The following CCSER2 variants were observed in gnomAD, a reference collection of about 807,000 sequenced individuals.
The protein encoded by CCSER2 is coiled-coil serine rich protein 2, also known as serine-rich coiled-coil domain-containing protein 2.
In CCSER2, 46 loss-of-function variants were observed where a neutral mutation model predicts 92.3. That is an observed-to-expected ratio of 0.50 (90% confidence interval 0.39 to 0.64). CCSER2 has a LOEUF of 0.64. CCSER2 is among the 30% of genes least tolerant of loss of function. The pLI is 0.00. For synonymous variants in CCSER2, 433 were observed against 431.4 expected (o/e 1.00, Z -0.04); for missense variants, 1,244 against 1,238.9 (o/e 1.00, Z -0.06).
intron 4 of CCSER2, among the ~76,000 whole-genome samples, chr10:84,419,095 G>T (rs183972581): frequency 2.0e-5 from 3 of 151,744 alleles, no homozygotes; most frequent in African/African-American, 7.3e-5. Flanking sequence ...ATACGAAATG[G>T]TCACAAGATT....
In CCSER2 at chr10:84,391,702, T is replaced by A. The variant is rs147178172; in HGVS notation, c.1614+17887T>A. The A allele has an allele frequency of 2.0e-3, 3,081 of 1,515,704 alleles. 7 individuals are homozygous for A. The highest frequency in any genetic ancestry group is 2.7e-3 in the Non-Finnish European group (2,972 of 1,093,320). 93.9% of individuals were successfully genotyped at this position (1,515,704 alleles called of 1,614,324 possible). A position where few individuals can be genotyped will look rare whatever the true frequency, so the allele number is the denominator to read the frequency against. On this transcript the variant is annotated intron_variant, in intron 3 of 9. Coordinates refer to ENST00000372088, the MANE Select transcript of CCSER2 (RefSeq NM_001284240.2). ...TAGAGAATACAGCAATAACGATTGG[T>A]CGTCTTGGTTACGTGTGTCTTCAAG...
chr10:84,511,816 G>C lies in CCSER2; in HGVS notation c.2326-1633G>C, dbSNP rs371870473. 2.2e-3 allele frequency among the ~76,000 whole-genome samples: 329 copies of C among 152,182 alleles called. 2 individuals are homozygous for C. Among genetic ancestry groups the C allele is most frequent in the African/African-American group, 7.8e-3 (324 of 41,508 alleles). On this transcript the variant is annotated intron_variant, in intron 9 of 9. Transcript: ENST00000372088. ...GGAGAATCTGTTGATTTAATTATGT[G>C]GTGATTTTAGTATCTTCCGTTTTGC...
intron 2 of CCSER2, among the ~76,000 whole-genome samples, chr10:84,372,962 C>T (rs570633567): frequency 6.6e-6 from 1 of 152,112 alleles, no homozygotes; most frequent in Non-Finnish European, 1.5e-5. Flanking sequence ...CCTGAGAGAG[C>T]TTTATTTATT....
At chr10:84,391,201 T>TGTG in intron 3 of CCSER2, 1 of 979,342 alleles carries the variant, frequency 1.0e-6, no homozygotes, top group East Asian at 2.4e-5. Flanking sequence ...TCTTCCATAC[T>TGTG]GTGAACCTGT....
intron 4 of CCSER2, among the ~76,000 whole-genome samples, chr10:84,420,247 G>A (rs1418387829): frequency 6.6e-6 from 1 of 152,118 alleles, no homozygotes; most frequent in East Asian, 1.9e-4. Context: ...TCTTGATTGG[G>A]GACTTGTGAA....
intron 9 of CCSER2, among the ~76,000 whole-genome samples, chr10:84,484,373 A>G (rs1589786525): frequency 6.6e-6 from 1 of 152,004 alleles, no homozygotes; most frequent in Admixed American, 6.6e-5. Context: ...TCGGCCTCCC[A>G]AAGTGCTGGG....
At chr10:84,333,531 G>A (rs1016941654) in intron 1 of CCSER2, among the ~76,000 whole-genome samples, 1 of 152,310 alleles carries the variant, frequency 6.6e-6, no homozygotes, top group East Asian at 1.9e-4. Context: ...TCCATGCCAA[G>A]GATTTGGACT....
chr10:84,477,195 A>T (rs779751483), intron 8 of CCSER2, among the ~76,000 whole-genome samples: 3 of 152,180 alleles, frequency 2.0e-5, no homozygotes, highest in Non-Finnish European at 2.9e-5. Flanking sequence ...CATATATTGT[A>T]TGTTTTATGG....
At chr10:84,370,934 G>A (rs1411900796) in intron 1 of CCSER2, 80 bp from the exon 2 acceptor site, 2 of 637,042 alleles carry the variant, frequency 3.1e-6, no homozygotes, top group Non-Finnish European at 4.9e-6. Flanking sequence ...GTATAAAAGT[G>A]TAAGTATCAT....
At chr10:84,388,730 C>T (rs1190056634) in intron 3 of CCSER2, among the ~76,000 whole-genome samples, 2 of 152,176 alleles carry the variant, frequency 1.3e-5, no homozygotes, top group African/African-American at 4.8e-5. Flanking sequence ...CCTTCCACCT[C>T]AGATCATCAG....
intron 5 of CCSER2, among the ~76,000 whole-genome samples, chr10:84,437,402 T>C (rs1319219660): frequency 6.6e-6 from 1 of 151,948 alleles, no homozygotes; most frequent in Non-Finnish European, 1.5e-5. Flanking sequence ...TAATCCCAGC[T>C]ACTCGGGAGG....
chr10:84,371,842 C>T lies in CCSER2; in HGVS notation c.790C>T (p.Pro264Ser), dbSNP rs747402875. 7 of 1,613,744 alleles carry T rather than the reference C, an allele frequency of 4.3e-6. No individual in the cohort carries two copies. The African/African-American group carries it at 6.7e-5, about 15-fold the overall frequency. Residue 264 changes from proline to serine, a missense_variant, in exon 2 of 10, where the codon CCT becomes TCT. Transcript: ENST00000372088. ...YQNQQLSIRV[P>S]LRSSMLTRNS... ...GAACCAACAGCTATCCATTAGAGTG[C>T]CTCTACGGTCAAGTATGCTAACAAG... is the stretch of plus-strand genomic sequence containing the variant.
At chr10:84,470,208 A>G (rs932651003) in intron 7 of CCSER2, among the ~76,000 whole-genome samples, 164 bp from the exon 8 acceptor site, 1 of 151,886 alleles carries the variant, frequency 6.6e-6, no homozygotes, top group South Asian at 2.1e-4. Flanking sequence ...CATTGTCAAC[A>G]TGTCACACTT....
intron 2 of CCSER2, 140 bp from the exon 3 acceptor site, chr10:84,373,479 A>T (rs996815359): frequency 1.3e-4 from 77 of 607,902 alleles, no homozygotes; most frequent in Middle Eastern, 4.4e-4. Flanking sequence ...ATTGCTTAGG[A>T]TATAGAAAAT....
chr10:84,370,900 T>G, intron 1 of CCSER2, 114 bp from the exon 2 acceptor site: 1 of 462,716 alleles, frequency 2.2e-6, no homozygotes, highest in South Asian at 6.3e-5. Context: ...GTAGGAATCA[T>G]GAGTAGCTTT....
intron 3 of CCSER2, among the ~76,000 whole-genome samples, chr10:84,413,809 T>C (rs1842766832): frequency 6.6e-6 from 1 of 152,206 alleles, no homozygotes; most frequent in Admixed American, 6.5e-5. Flanking sequence ...AAAACTTGCT[T>C]TCTGAATCTT....
In CCSER2 at chr10:84,480,881, A is replaced by G. The variant is rs567959172; in HGVS notation, c.2325+3217A>G. Among the ~76,000 whole-genome samples the G allele has an allele frequency of 2.6e-5, 4 of 152,212 alleles. No homozygotes were observed. The East Asian group carries it at 5.8e-4, about 22-fold the overall frequency. ...GTAGGTAGTGGTGATGGTGGTTGCT[A>G]TTAATATTTGGTTTGATTTTTTTAC... On this transcript the variant is annotated intron_variant, in intron 9 of 9. Coordinates refer to ENST00000372088, the MANE Select transcript of CCSER2 (RefSeq NM_001284240.2).
chr10:84,455,975 A>G, intron 6 of CCSER2: 1 of 616,658 alleles, frequency 1.6e-6, no homozygotes, highest in Non-Finnish European at 3.2e-6. Flanking sequence ...CTGTAAGGGC[A>G]TCACGTACTC....
chr10:84,480,097 T>G (rs1405817968), intron 9 of CCSER2, among the ~76,000 whole-genome samples: 1 of 152,130 alleles, frequency 6.6e-6, no homozygotes, highest in African/African-American at 2.4e-5. Context: ...CAGGCTAGAG[T>G]GCAATGGTGC....
Sources: allele counts gnomAD v4.1 joint callset (sites outside exome capture counted in the v4.1 genomes callset), GRCh38; gene constraint gnomAD v4.1.1; transcripts MANE v1.5; gene names NCBI Gene and HGNC (gene_info 2026-07-23, HGNC 2026-07-21).